The following GABRB3 variants were observed in gnomAD, a reference collection of about 807,000 sequenced individuals.
GABRB3 encodes gamma-aminobutyric acid receptor subunit beta-3.
GABRB3 carries 14 observed loss-of-function variants against 52.1 expected under a neutral mutation model. That is an observed-to-expected ratio of 0.27 (90% CI 0.18 to 0.42). GABRB3 has a LOEUF of 0.42. Ranked by LOEUF, GABRB3 falls within the 10% of genes least tolerant of loss-of-function variation. The pLI, the probability that GABRB3 is intolerant of heterozygous loss-of-function variation, is 1.00. For missense variants in GABRB3, 307 were observed against 609.1 expected, an observed-to-expected ratio of 0.50 and a Z score of 5.22; for synonymous variants, 260 against 232.3, an observed-to-expected ratio of 1.12 and a Z score of -1.08.
chr15:26,547,838 A>C lies in GABRB3; in HGVS notation c.1377T>G (p.Thr459=), dbSNP rs1266224198. 2 of 1,613,984 alleles carry C rather than the reference A, an allele frequency of 1.2e-6. No homozygotes were observed. Among genetic ancestry groups the C allele is most frequent in the Non-Finnish European group, 8.5e-7 (1 of 1,180,048 alleles). The change falls in exon 9 of 9, where the codon ACT becomes ACG. Residue 459 remains threonine, a synonymous_variant. Coordinates refer to ENST00000311550, the MANE Select transcript of GABRB3 (RefSeq NM_000814.6). ...DRWSRIVFPF[T]FSLFNLVYWL... ...AGTAAACTAAGTTGAAAAGAGAAAAAGTGAATGGAAACACGATCCTGGACC... is the reference window on the plus strand; with the variant it reads ...AGTAAACTAAGTTGAAAAGAGAAAACGTGAATGGAAACACGATCCTGGACC...
At chr15:26,626,644 C>T (rs1335295715) in intron 3 of GABRB3, among the ~76,000 whole-genome samples, 1 of 152,272 alleles carries the variant, frequency 6.6e-6, no homozygotes, top group South Asian at 2.1e-4. Context: ...CATAACGTTC[C>T]CTTAAGTCAA....
intron 3 of GABRB3, among the ~76,000 whole-genome samples, chr15:26,670,282 T>C (rs983097226): frequency 6.6e-6 from 1 of 151,384 alleles, no homozygotes; most frequent in Non-Finnish European, 1.5e-5. Context: ...GAGGTAAGGG[T>C]AGGCGGGAAG....
chr15:26,770,736 CT>C (rs1891121930), intron 3 of GABRB3, among the ~76,000 whole-genome samples: 1 of 152,336 alleles, frequency 6.6e-6, no homozygotes, highest in South Asian at 2.1e-4. Context: ...CAATTAACTT[CT>C]GTACTAAATT....
chr15:26,710,824 G>T (rs1268322116), intron 3 of GABRB3, among the ~76,000 whole-genome samples: 1 of 151,660 alleles, frequency 6.6e-6, no homozygotes, highest in Non-Finnish European at 1.5e-5. Context: ...ATACTGGACA[G>T]ATATGTACTT....
At chr15:26,727,669 C>CT (rs2140146720) in intron 3 of GABRB3, among the ~76,000 whole-genome samples, 1 of 152,318 alleles carries the variant, frequency 6.6e-6, no homozygotes, top group East Asian at 1.9e-4. Flanking sequence ...AATGACACTG[C>CT]TTCTCAGCCA....
intron 3 of GABRB3, among the ~76,000 whole-genome samples, chr15:26,723,556 G>A (rs538314193): frequency 6.6e-6 from 1 of 152,250 alleles, no homozygotes; most frequent in East Asian, 1.9e-4. Flanking sequence ...ACAGTGTTGA[G>A]CACCCATGGG....
At chr15:26,694,525 C>G (rs1017405817) in intron 3 of GABRB3, among the ~76,000 whole-genome samples, 2 of 152,146 alleles carry the variant, frequency 1.3e-5, no homozygotes, top group Non-Finnish European at 2.9e-5. Context: ...GAAACTTTAA[C>G]CTCTAACATC....
chr15:26,763,061 A>T (rs562268927), intron 3 of GABRB3, among the ~76,000 whole-genome samples: 9 of 152,352 alleles, frequency 5.9e-5, no homozygotes, highest in Non-Finnish European at 1.2e-4. Flanking sequence ...TCTAGGATGC[A>T]TACTGCCTTG....
intron 3 of GABRB3, among the ~76,000 whole-genome samples, chr15:26,765,155 T>G (rs1890963096): frequency 7.8e-6 from 1 of 128,066 alleles, no homozygotes; most frequent in African/African-American, 2.9e-5. Flanking sequence ...AGTCAAAACT[T>G]CCCTATAATA....
chr15:26,751,413 T>C (rs7167375), intron 3 of GABRB3, among the ~76,000 whole-genome samples: 2,562 of 152,248 alleles, frequency 0.017, 85 homozygotes, highest in African/African-American at 0.058. Context: ...TTCCGACTCC[T>C]GAAACACAGC....
intron 3 of GABRB3, chr15:26,772,139 G>T (rs938959914): frequency 2.5e-6 from 1 of 394,772 alleles, no homozygotes; most frequent in South Asian, 5.1e-5. Flanking sequence ...GGCAGCGGCA[G>T]ATGGGAGCAC....
rs556048280 is a variant in GABRB3, at chr15:26,593,785, A to G, written c.462-10371T>C. On this transcript the variant is annotated intron_variant, in intron 4 of 8. Transcript: ENST00000311550. ...ATAATCCCACTATAAACATTGGCGT[A>G]AAAATATCTGTTTGGGTCACTTCTT... Among the ~76,000 whole-genome samples the G allele has an allele frequency of 1.3e-4, 20 of 151,992 alleles. 1 individual carries two copies. Among genetic ancestry groups the G allele is most frequent in the Admixed American group, 4.6e-4 (7 of 15,250 alleles).
At chr15:26,735,990 T>TATCCTATA (rs370484995) in intron 3 of GABRB3, among the ~76,000 whole-genome samples, 5,225 of 149,196 alleles carry the variant, frequency 0.035, 87 homozygotes, top group Middle Eastern at 0.085. Flanking sequence ...TAAAAACACA[T>TATCCTATA]ATCCTATATA....
intron 7 of GABRB3, among the ~76,000 whole-genome samples, chr15:26,563,784 G>T (rs954963534): frequency 6.6e-6 from 1 of 152,148 alleles, no homozygotes; most frequent in Non-Finnish European, 1.5e-5. Flanking sequence ...CTGGGTGGTG[G>T]CTTTCGTGTT....
Position 26,683,443 on chromosome 15 carries a change from T to C in GABRB3, c.241-61909A>G, listed in dbSNP as rs539231642. On this transcript the variant is annotated intron_variant, in intron 3 of 8. Transcript: ENST00000311550. ...GAGGGCTACCCAATTGGTCTGTTCT[T>C]TGCTCCATCACCAGCCCCTAGTCCA... Among the ~76,000 whole-genome samples the C allele has an allele frequency of 3.3e-5, 5 of 152,248 alleles. No individual in the cohort carries two copies. In the South Asian group the frequency reaches 1.0e-3, roughly 32 times the overall value.
intron 8 of GABRB3, 97 bp from the exon 9 acceptor site, chr15:26,548,231 T>G (rs1373361864): frequency 2.1e-6 from 2 of 969,530 alleles, no homozygotes. Context: ...ACATGTTGCA[T>G]GTTTTACGAG....
intron 6 of GABRB3, among the ~76,000 whole-genome samples, chr15:26,575,349 T>C (rs142468453): frequency 1.8e-4 from 28 of 152,250 alleles, no homozygotes; most frequent in Non-Finnish European, 3.8e-4. Flanking sequence ...AGATTAGGGA[T>C]TGTAACCGGC....
chr15:26,765,328 T>C (rs890677992), intron 3 of GABRB3, among the ~76,000 whole-genome samples: 6 of 152,076 alleles, frequency 3.9e-5, no homozygotes, highest in Admixed American at 1.3e-4. Flanking sequence ...GAAATTAGCA[T>C]AAAAGTTCCC....
At chr15:26,655,676 A>G (rs1160973533) in intron 3 of GABRB3, among the ~76,000 whole-genome samples, 1 of 150,146 alleles carries the variant, frequency 6.7e-6, no homozygotes, top group Non-Finnish European at 1.5e-5. Flanking sequence ...CAGGAGGTGG[A>G]GTTTGCAGTC....
Sources: allele counts gnomAD v4.1 joint callset (sites outside exome capture counted in the v4.1 genomes callset), GRCh38; gene constraint gnomAD v4.1.1; transcripts MANE v1.5; gene names NCBI Gene and HGNC (gene_info 2026-07-23, HGNC 2026-07-21).